Variants in ACTL6A observed in about 807,000 individuals in gnomAD.
ACTL6A encodes the protein actin-like protein 6A.
ACTL6A carries 5 observed loss-of-function variants against 59.2 expected under a neutral mutation model. The ratio of observed to expected loss-of-function variants is 0.08; its 90% CI spans 0.04 to 0.18. The LOEUF (loss-of-function observed/expected upper bound fraction) is 0.18, where lower values mean the gene tolerates loss of function less well. Among genes scored for constraint, ACTL6A ranks in the 10% least tolerant of loss-of-function variants. ACTL6A has a pLI of 1.00. For synonymous variants in ACTL6A, 154 were observed against 171.8 expected (o/e 0.90, Z 0.81); for missense variants, 285 against 526.9 (o/e 0.54, Z 4.49).
At chr3:179,581,684 A>AAG (rs1560013994) in intron 11 of ACTL6A, among the ~76,000 whole-genome samples, 16 of 152,200 alleles carry the variant, frequency 1.1e-4, no homozygotes, top group African/African-American at 3.9e-4. Context: ...CGTGGTTTAA[A>AAG]TTATATGAGT....
At chr3:179,573,507 GTT>G (rs746582546) in intron 4 of ACTL6A, 38 bp downstream of exon 4, 83 of 961,878 alleles carry the variant, frequency 8.6e-5, no homozygotes, top group Non-Finnish European at 9.6e-5. Flanking sequence ...TTCTCTAGTT[GTT>G]TTTTTTTTTT....
At chr3:179,582,921 G>A (rs1223677744) in intron 11 of ACTL6A, among the ~76,000 whole-genome samples, 1 of 152,042 alleles carries the variant, frequency 6.6e-6, no homozygotes, top group African/African-American at 2.4e-5. Context: ...ATAATCTTGG[G>A]AGTTAAAAAC....
chr3:179,575,009 T>TTATTTATTTA (rs1490781161), intron 5 of ACTL6A: 1 of 188,066 alleles, frequency 5.3e-6, no homozygotes, highest in African/African-American at 2.4e-5. Flanking sequence ...CTATTTTTAT[T>TTATTTATTTA]TATTTATTTA....
chr3:179,584,627 TAAC>T (rs1718431186), intron 12 of ACTL6A, among the ~76,000 whole-genome samples: 1 of 125,012 alleles, frequency 8.0e-6, no homozygotes, highest in Non-Finnish European at 1.7e-5. Flanking sequence ...AAAAAAAAAA[TAAC>T]AAAAATTAGC....
At chr3:179,567,798 G>A (rs1256622666) in intron 1 of ACTL6A, among the ~76,000 whole-genome samples, 1 of 152,112 alleles carries the variant, frequency 6.6e-6, no homozygotes, top group East Asian at 1.9e-4. Flanking sequence ...TCACAGGGAA[G>A]GGTTAATTAT....
chr3:179,583,454 TTC>T lies in ACTL6A; in HGVS notation c.1122+8_1122+9del, dbSNP rs1576858501. ...TGTCTCAGAAAACTCCTCCAGTAAG[TTC>T]TGTTTGTTCTTTAATGGTATTCTTC... On this transcript the variant is annotated splice_region_variant and intron_variant, in intron 12 of 13. Transcript: ENST00000429709. 1.3e-6 allele frequency: 2 copies of T among 1,596,736 alleles called. No homozygotes were observed. Among genetic ancestry groups the T allele is most frequent in the Non-Finnish European group, 1.7e-6 (2 of 1,165,692 alleles).
At chr3:179,564,788 C>G (rs543872515) in intron 1 of ACTL6A, among the ~76,000 whole-genome samples, 1 of 151,734 alleles carries the variant, frequency 6.6e-6, no homozygotes, top group Admixed American at 6.6e-5. Context: ...GAAGCTCAGT[C>G]TTGTAGATGA....
At chr3:179,578,733 G>A (rs759209450) in intron 8 of ACTL6A, among the ~76,000 whole-genome samples, 2 of 152,158 alleles carry the variant, frequency 1.3e-5, no homozygotes, top group Non-Finnish European at 2.9e-5. Flanking sequence ...ATAAACGTTC[G>A]CTTTTCTCTG....
intron 3 of ACTL6A, among the ~76,000 whole-genome samples, chr3:179,572,039 G>T (rs1718024328): frequency 6.6e-6 from 1 of 151,464 alleles, no homozygotes; most frequent in South Asian, 2.1e-4. Context: ...GAACATCCAG[G>T]TGATAATTCA....
intron 6 of ACTL6A, 123 bp downstream of exon 6, chr3:179,576,434 G>A: frequency 2.3e-6 from 2 of 867,646 alleles, no homozygotes; most frequent in East Asian, 2.7e-5. Context: ...TTTTTTTTAA[G>A]TATGTTAAAA....
rs1718071457 is a variant in ACTL6A, at chr3:179,573,398, T to C, written c.307T>C (p.Leu103=). 6.3e-7 allele frequency: 1 copy of C among 1,593,482 alleles called. No individual in the cohort carries two copies. Among genetic ancestry groups the C allele is most frequent in the Non-Finnish European group, 8.5e-7 (1 of 1,172,750 alleles). ...VEDWDSFQAI[L]DHTYKMHVKS... is the part of the protein sequence containing the mutation. Reference sequence around the variant, plus strand: ...AGACTGGGATAGTTTCCAAGCTATTTTGGATCATACCTACAAAATGCATGT... The same window carrying C: ...AGACTGGGATAGTTTCCAAGCTATTCTGGATCATACCTACAAAATGCATGT... The change falls in exon 4 of 14, where the codon TTG becomes CTG. Residue 103 remains leucine, a synonymous_variant. Transcript: ENST00000429709.
At chr3:179,569,651 A>G (rs1717943248) in intron 1 of ACTL6A, among the ~76,000 whole-genome samples, 173 bp from the exon 2 acceptor site, 1 of 152,122 alleles carries the variant, frequency 6.6e-6, no homozygotes, top group South Asian at 2.1e-4. Flanking sequence ...CCTGGGCAAC[A>G]TAGTGAGACC....
At chr3:179,580,526 C>T (rs1034225311) in intron 8 of ACTL6A, 114 bp from the exon 9 acceptor site, 1 of 685,514 alleles carries the variant, frequency 1.5e-6, no homozygotes, top group African/African-American at 1.9e-5. Flanking sequence ...ATGATTTACC[C>T]ATCTAGAAAC....
intron 11 of ACTL6A, among the ~76,000 whole-genome samples, chr3:179,581,752 T>A (rs914058514): frequency 1.3e-5 from 2 of 152,222 alleles, no homozygotes; most frequent in African/African-American, 4.8e-5. Flanking sequence ...TTTGTCAGGT[T>A]TTAAATACTA....
chr3:179,571,026 G>T (rs1317595239), intron 3 of ACTL6A, among the ~76,000 whole-genome samples: 1 of 152,166 alleles, frequency 6.6e-6, no homozygotes, highest in South Asian at 2.1e-4. Context: ...GAGAAGTTGA[G>T]AAAGTTTCCT....
intron 1 of ACTL6A, among the ~76,000 whole-genome samples, chr3:179,566,979 G>A (rs775717240): frequency 1.1e-4 from 16 of 150,564 alleles, no homozygotes; most frequent in Admixed American, 8.0e-4. Flanking sequence ...GTGAGCCACC[G>A]CGCGCCCTGC....
rs755343269 is a variant in ACTL6A, at chr3:179,570,177, T to C, written c.213T>C (p.Asp71=). 8.7e-6 allele frequency: 14 copies of C among 1,614,156 alleles called. No homozygotes were observed. The Admixed American group carries it at 1.8e-4, about 21-fold the overall frequency. Reference sequence around the variant, plus strand: ...AAGGCGGTCCCACCTACTACATAGATACTAATGCTCTGCGTGTTCCGAGGG... The same window carrying C: ...AAGGCGGTCCCACCTACTACATAGACACTAATGCTCTGCGTGTTCCGAGGG... ...GKQGGPTYYI[D]TNALRVPREN... Residue 71 remains aspartate (D), a synonymous_variant, in exon 3 of 14, where the codon GAT becomes GAC. Coordinates refer to ENST00000429709, the MANE Select transcript of ACTL6A (RefSeq NM_004301.5). This position sits in a 1 kb window ranked among gnomAD's most constrained non-coding sequence, Gnocchi z 4.3.
chr3:179,569,912 G>A lies in ACTL6A; in HGVS notation c.102+12G>A. On this transcript the variant is annotated intron_variant, in intron 2 of 13. Coordinates refer to ENST00000429709, the MANE Select transcript of ACTL6A (RefSeq NM_004301.5). ...AGGACTGCCCCAAGGTAAGTGTAAT[G>A]TTAGAGTTAATTGGATATGTAAAGC... 6.2e-7 allele frequency: 1 copy of A among 1,612,316 alleles called. No homozygotes were observed. The highest frequency in any genetic ancestry group is 8.5e-7 in the Non-Finnish European group (1 of 1,178,566).
intron 13 of ACTL6A, among the ~76,000 whole-genome samples, chr3:179,587,163 ATATACT>A (rs762466519): frequency 6.6e-5 from 10 of 152,102 alleles, no homozygotes; most frequent in Admixed American, 5.2e-4. Flanking sequence ...TATACAGTTT[ATATACT>A]TATATCTATA....
Sources: allele counts gnomAD v4.1 joint callset (sites outside exome capture counted in the v4.1 genomes callset), GRCh38; gene constraint gnomAD v4.1.1; non-coding constraint Gnocchi (gnomAD v3.1); transcripts MANE v1.5; gene names NCBI Gene and HGNC (gene_info 2026-07-23, HGNC 2026-07-21).